The following TCAIM variants were observed in gnomAD, a reference collection of about 807,000 sequenced individuals.
TCAIM encodes the protein T cell activation inhibitor, mitochondrial.
A neutral mutation model predicts 58.6 loss-of-function variants in TCAIM; 36 were observed. The observed-to-expected ratio is 0.61, with a 90% CI of 0.47 to 0.81. The LOEUF (loss-of-function observed/expected upper bound fraction) is 0.81. Ranked by LOEUF, TCAIM falls within the 30% of genes least tolerant of loss-of-function variation. The pLI is 0.00. For synonymous variants in TCAIM, 172 were observed against 193.6 expected (o/e 0.89, Z 0.93); for missense variants, 466 against 579.6 (o/e 0.80, Z 2.01).
intron 8 of TCAIM, among the ~76,000 whole-genome samples, chr3:44,399,307 TAGTTACCATATATACATG>T (rs905981354): frequency 6.6e-6 from 1 of 152,206 alleles, no homozygotes; most frequent in African/African-American, 2.4e-5. Context: ...TTTTAAAATG[TAGTTACCATATATACATG>T]AGTAACCCAT....
intron 3 of TCAIM, chr3:44,359,157 A>G (rs1036314011): frequency 3.4e-6 from 3 of 872,398 alleles, no homozygotes; most frequent in Non-Finnish European, 2.8e-6. Flanking sequence ...AGGCTGAGGC[A>G]GGAGGATTAC....
At chr3:44,397,319 C>G (rs187256127) in intron 8 of TCAIM, among the ~76,000 whole-genome samples, 1 of 152,324 alleles carries the variant, frequency 6.6e-6, no homozygotes, top group African/African-American at 2.4e-5. Context: ...CACCCCCTCT[C>G]CAAGCAACCA....
intron 1 of TCAIM, among the ~76,000 whole-genome samples, chr3:44,347,498 A>G (rs755312671): frequency 6.6e-6 from 1 of 152,142 alleles, no homozygotes; most frequent in Non-Finnish European, 1.5e-5. Flanking sequence ...GGAATAGTGG[A>G]AAAAGCATGT....
In TCAIM at chr3:44,392,872, A is replaced by G. The variant is rs1559580759; in HGVS notation, c.590A>G (p.Asn197Ser). Residue 197 changes from asparagine (N) to serine (S), a missense_variant, in exon 6 of 11, where the codon AAT (asparagine) becomes AGT (serine). Asn to Ser is a conservative substitution (Grantham distance 46, BLOSUM62 1). Coordinates refer to ENST00000342649, the MANE Select transcript of TCAIM (RefSeq NM_173826.4). ...ETTLTSWLDNNGKSAVKKLKN... is the reference protein window; with the variant it reads ...ETTLTSWLDNSGKSAVKKLKN... ...CTTTCTAGATCCTGGTTAGATAACA[A>G]TGGGAAAAGTGCTGTTAAAAAGCTA... is the stretch of plus-strand genomic sequence containing the variant. 3 of 1,613,100 alleles carry G rather than the reference A, an allele frequency of 1.9e-6. No individual in the cohort carries two copies. Among genetic ancestry groups the G allele is most frequent in the East Asian group, 2.2e-5 (1 of 44,752 alleles).
intron 1 of TCAIM, among the ~76,000 whole-genome samples, chr3:44,349,353 A>G (rs1701037728): frequency 6.6e-6 from 1 of 152,156 alleles, no homozygotes; most frequent in Non-Finnish European, 1.5e-5. Flanking sequence ...GCTACTTGGA[A>G]CTATTGTCAA....
At chr3:44,373,446 A>G (rs117464612) in intron 5 of TCAIM, among the ~76,000 whole-genome samples, 1 of 151,928 alleles carries the variant, frequency 6.6e-6, no homozygotes, top group East Asian at 1.9e-4. Flanking sequence ...TGGGCAGATC[A>G]CTTGATGTCA....
chr3:44,386,347 C>T (rs1701742175), intron 5 of TCAIM, among the ~76,000 whole-genome samples: 1 of 152,200 alleles, frequency 6.6e-6, no homozygotes, highest in Non-Finnish European at 1.5e-5. Flanking sequence ...AGCAGCAGCC[C>T]ATCTGGAGCA....
rs187566267 is a variant in TCAIM, at chr3:44,369,708, C to G, written c.572+2000C>G. 2.9e-3 allele frequency among the ~76,000 whole-genome samples: 439 copies of G among 152,250 alleles called. 1 individual carries two copies. Among genetic ancestry groups the G allele is most frequent in the Middle Eastern group, 6.8e-3 (2 of 294 alleles). ...TTAGTCTTTAGTAAAAGGAGACTTT[C>G]TTATATTACATTCGACTATATGAGT... On this transcript the variant is annotated intron_variant, in intron 5 of 10. Coordinates refer to ENST00000342649, the MANE Select transcript of TCAIM (RefSeq NM_173826.4).
intron 5 of TCAIM, among the ~76,000 whole-genome samples, chr3:44,386,614 A>G (rs139590382): frequency 2.0e-3 from 308 of 152,084 alleles, no homozygotes; most frequent in African/African-American, 6.3e-3. Flanking sequence ...GCCTCTCTCC[A>G]CTCCCAGTGC....
chr3:44,398,336 A>G (rs1701968179), intron 8 of TCAIM, among the ~76,000 whole-genome samples: 1 of 152,174 alleles, frequency 6.6e-6, no homozygotes, highest in Non-Finnish European at 1.5e-5. Context: ...AGGCTGAGGC[A>G]GGAGAATCAT....
Position 44,408,422 on chromosome 3 carries a change from A to G in TCAIM, c.*740A>G, listed in dbSNP as rs530936083. On this transcript the variant is annotated 3_prime_UTR_variant, in exon 11 of 11. Transcript: ENST00000342649. ...GCCCAAGAGAAAGACTAGAAGGACT[A>G]AAAGCAGTTGAATGTATGGTACTGA... The G allele has an allele frequency of 4.6e-5, 7 of 152,360 alleles. No individual in the cohort carries two copies. In the South Asian group the frequency reaches 1.4e-3, roughly 32 times the overall value. 9.4% of individuals were successfully genotyped at this position (152,360 alleles called of 1,614,324 possible).
intron 1 of TCAIM, among the ~76,000 whole-genome samples, chr3:44,341,639 C>T (rs1159023062): frequency 6.6e-6 from 1 of 152,084 alleles, no homozygotes; most frequent in Non-Finnish European, 1.5e-5. Flanking sequence ...TTGTATTGAA[C>T]TGCATGTTTG....
chr3:44,391,580 TTATTATAGAG>T (rs1318643564), intron 5 of TCAIM, among the ~76,000 whole-genome samples: 1 of 152,188 alleles, frequency 6.6e-6, no homozygotes, highest in Non-Finnish European at 1.5e-5. Flanking sequence ...TCTGCTGAGC[TTATTATAGAG>T]TTGATATAGT....
At chr3:44,347,809 G>A (rs1044666377) in intron 1 of TCAIM, among the ~76,000 whole-genome samples, 1 of 152,138 alleles carries the variant, frequency 6.6e-6, no homozygotes, top group Non-Finnish European at 1.5e-5. Context: ...TTTTTAATGG[G>A]ATGGTAAGGG....
intron 1 of TCAIM, among the ~76,000 whole-genome samples, chr3:44,345,310 C>T (rs916318910): frequency 2.0e-5 from 3 of 151,782 alleles, no homozygotes; most frequent in Non-Finnish European, 2.9e-5. Flanking sequence ...AAACAGAAGA[C>T]GCAAGGTCCA....
chr3:44,356,653 G>C (rs4074328), intron 2 of TCAIM, among the ~76,000 whole-genome samples: 74,648 of 151,836 alleles, frequency 0.49, 19,517 homozygotes, highest in East Asian at 0.81. Context: ...ACTCCCAGGT[G>C]GGTTACAAAA....
chr3:44,387,537 C>G (rs1012728917), intron 5 of TCAIM, among the ~76,000 whole-genome samples: 5 of 152,246 alleles, frequency 3.3e-5, no homozygotes, highest in Non-Finnish European at 7.3e-5. Context: ...CAGCTGCAGC[C>G]TTGCATGGAG....
At chr3:44,375,954 A>G (rs1249075753) in intron 5 of TCAIM, among the ~76,000 whole-genome samples, 1 of 152,258 alleles carries the variant, frequency 6.6e-6, no homozygotes, top group Admixed American at 6.5e-5. Context: ...TGGATTTTTA[A>G]AAAGTGGCAT....
chr3:44,375,843 C>A (rs1329108991), intron 5 of TCAIM, among the ~76,000 whole-genome samples: 1 of 152,034 alleles, frequency 6.6e-6, no homozygotes, highest in African/African-American at 2.4e-5. Context: ...GGTATACACT[C>A]AAGAGAAATG....
Sources: gnomAD v4.1 joint callset for allele counts (sites outside exome capture counted in the v4.1 genomes callset) on GRCh38, gnomAD v4.1.1 for gene constraint, MANE v1.5 for transcripts, NCBI Gene and HGNC (gene_info 2026-07-23, HGNC 2026-07-21) for gene names.